Variants in ZCCHC7 observed in about 807,000 individuals in gnomAD.
ZCCHC7 encodes zinc finger CCHC-type containing 7, also known as zinc finger CCHC domain-containing protein 7.
ZCCHC7 carries 35 observed loss-of-function variants against 52.0 expected under a neutral mutation model. That is an observed-to-expected ratio of 0.67 (90% confidence interval 0.51 to 0.89). ZCCHC7 has a LOEUF of 0.89. Ranked by LOEUF, ZCCHC7 falls within the 40% of genes least tolerant of loss-of-function variation. The probability of loss-of-function intolerance (pLI) is 0.00; values close to 1 mark genes in which losing one functional copy is unlikely to be tolerated. For missense variants in ZCCHC7, 574 were observed against 649.1 expected (o/e 0.88, Z 1.26); for synonymous variants, 217 against 221.5 (o/e 0.98, Z 0.18).
At chr9:37,261,299 GAAACAAGCAA>G (rs1004206453) in intron 2 of ZCCHC7, among the ~76,000 whole-genome samples, 6 of 152,114 alleles carry the variant, frequency 3.9e-5, no homozygotes, top group African/African-American at 2.4e-5. Context: ...GACAAGAGTT[GAAACAAGCAA>G]TGTATATGAA....
chr9:37,137,404 A>G (rs1843042355), intron 2 of ZCCHC7, among the ~76,000 whole-genome samples: 1 of 152,214 alleles, frequency 6.6e-6, no homozygotes, highest in Non-Finnish European at 1.5e-5. Context: ...CCTTAGTAGA[A>G]ACTGAAGACT....
chr9:37,307,673 C>G (rs1829392730), intron 5 of ZCCHC7, among the ~76,000 whole-genome samples: 1 of 152,014 alleles, frequency 6.6e-6, no homozygotes, highest in Non-Finnish European at 1.5e-5. Context: ...TGAAATACAC[C>G]TATAATCTTT....
chr9:37,320,081 T>C (rs758924540), intron 5 of ZCCHC7, among the ~76,000 whole-genome samples: 26 of 152,122 alleles, frequency 1.7e-4, no homozygotes, highest in Non-Finnish European at 3.2e-4. Context: ...AAACTTTTGC[T>C]TTTGTTTTGT....
rs182816843 is a variant in ZCCHC7, at chr9:37,150,378, C to T, written c.610+23436C>T. On this transcript the variant is annotated intron_variant, in intron 2 of 8. Coordinates refer to ENST00000336755, the MANE Select transcript of ZCCHC7 (RefSeq NM_032226.3). ...GGAAGCACATAATTTTTGCATTTAA[C>T]TTAAAGTGTTTGGATATATTAAATC... Among the ~76,000 whole-genome samples, 223 of 152,302 alleles carry T rather than the reference C, an allele frequency of 1.5e-3. 1 individual carries two copies. The highest frequency in any genetic ancestry group is 6.3e-4 in the Non-Finnish European group (43 of 68,024).
chr9:37,326,046 AG>A (rs1449338852), intron 5 of ZCCHC7: 1 of 152,212 alleles, frequency 6.6e-6, no homozygotes, highest in Non-Finnish European at 1.5e-5. Flanking sequence ...TATTATTCTG[AG>A]GACACTGTGG....
intron 2 of ZCCHC7, among the ~76,000 whole-genome samples, chr9:37,128,662 C>CCAGG (rs1426420394): frequency 2.6e-5 from 4 of 152,170 alleles, no homozygotes; most frequent in African/African-American, 9.7e-5. Context: ...ACTAATTCTG[C>CCAGG]AGTTTCCCAG....
chr9:37,237,997 A>G (rs1339721170), intron 2 of ZCCHC7, among the ~76,000 whole-genome samples: 1 of 152,128 alleles, frequency 6.6e-6, no homozygotes. Flanking sequence ...AACGGATCAC[A>G]TTTATTATGA....
chr9:37,143,898 G>A (rs949806440), intron 2 of ZCCHC7, among the ~76,000 whole-genome samples: 1 of 151,746 alleles, frequency 6.6e-6, no homozygotes, highest in African/African-American at 2.4e-5. Flanking sequence ...AGGATTATGA[G>A]TACAGAAATT....
At chr9:37,236,492 C>T (rs376995555) in intron 2 of ZCCHC7, among the ~76,000 whole-genome samples, 9 of 151,776 alleles carry the variant, frequency 5.9e-5, no homozygotes, top group East Asian at 3.9e-4. Flanking sequence ...CCTGCGTTCA[C>T]GCCATTCTCC....
At chr9:37,177,298 G>A (rs1340481263) in intron 2 of ZCCHC7, among the ~76,000 whole-genome samples, 1 of 152,140 alleles carries the variant, frequency 6.6e-6, no homozygotes, top group Non-Finnish European at 1.5e-5. Flanking sequence ...CCACGCCAGT[G>A]CATTCCAGCC....
intron 2 of ZCCHC7, among the ~76,000 whole-genome samples, chr9:37,179,050 GT>G (rs1822209422): frequency 6.6e-6 from 1 of 152,064 alleles, no homozygotes. Flanking sequence ...ATTATGTACT[GT>G]TTGCATCTTT....
intron 1 of ZCCHC7, among the ~76,000 whole-genome samples, chr9:37,126,015 C>T (rs1315567138): frequency 1.3e-5 from 2 of 152,118 alleles, no homozygotes. Flanking sequence ...GAAAATCATC[C>T]TATGAAGTTT....
At chr9:37,203,014 C>T (rs187768813) in intron 2 of ZCCHC7, among the ~76,000 whole-genome samples, 2 of 152,154 alleles carry the variant, frequency 1.3e-5, no homozygotes, top group Non-Finnish European at 2.9e-5. Context: ...CAAAACAGTT[C>T]TTTGTATAGC....
Position 37,269,650 on chromosome 9 carries a change from AAG to A in ZCCHC7, c.611-32536_611-32535del, listed in dbSNP as rs750901067. On this transcript the variant is annotated intron_variant, in intron 2 of 8. Transcript: ENST00000336755. ...AAAAAAAAAAAAAAAAAAAAAACAA[AAG>A]AAGTTCTAGGCATGATATGATAATG... Among the ~76,000 whole-genome samples the A allele has an allele frequency of 3.2e-3, 476 of 148,868 alleles. 3 individuals are homozygous for A. The highest frequency in any genetic ancestry group is 5.0e-3 in the Non-Finnish European group (331 of 66,642).
chr9:37,295,261 G>T (rs1010670314), intron 2 of ZCCHC7, among the ~76,000 whole-genome samples: 2 of 152,102 alleles, frequency 1.3e-5, no homozygotes, highest in African/African-American at 4.8e-5. Context: ...ACAGGAAACT[G>T]GGGAAATTAT....
intron 6 of ZCCHC7, among the ~76,000 whole-genome samples, chr9:37,334,926 A>G (rs547237596): frequency 6.6e-6 from 1 of 152,194 alleles, no homozygotes; most frequent in South Asian, 2.1e-4. Context: ...GTGTTTAGAA[A>G]TTTTTATTAG....
chr9:37,338,256 T>C (rs1830768143), intron 6 of ZCCHC7, among the ~76,000 whole-genome samples: 1 of 152,322 alleles, frequency 6.6e-6, no homozygotes, highest in South Asian at 2.1e-4. Context: ...AAACTCGTGC[T>C]TCTTTTTAGT....
At position 37,285,065 on chromosome 9, in the gene ZCCHC7, G is replaced by A. The variant is rs554819950; in HGVS notation, c.611-17123G>A. ...TGGCTTAAGGAGATTGGAGGGGAGC[G>A]TTTCATTTATTTATATAGAGATTTT... On this transcript the variant is annotated intron_variant, in intron 2 of 8. Coordinates refer to ENST00000336755, the MANE Select transcript of ZCCHC7 (RefSeq NM_032226.3). Among the ~76,000 whole-genome samples the A allele has an allele frequency of 8.4e-4, 127 of 152,064 alleles. 2 individuals carry two copies. Among genetic ancestry groups the A allele is most frequent in the Middle Eastern group, 3.4e-3 (1 of 294 alleles).
chr9:37,223,107 T>C (rs1263097338), intron 2 of ZCCHC7, among the ~76,000 whole-genome samples: 2 of 152,162 alleles, frequency 1.3e-5, no homozygotes, highest in African/African-American at 2.4e-5. Flanking sequence ...ATGTGGCTAC[T>C]GTGGGCACAC....
Sources: allele counts gnomAD v4.1 joint callset (sites outside exome capture counted in the v4.1 genomes callset), GRCh38; gene constraint gnomAD v4.1.1; transcripts MANE v1.5; gene names NCBI Gene and HGNC (gene_info 2026-07-23, HGNC 2026-07-21).